The following SPECC1 variants were observed in gnomAD, a reference collection of about 807,000 sequenced individuals.
SPECC1 encodes cytospin-B.
A neutral mutation model predicts 104.1 loss-of-function variants in SPECC1; 62 were observed. The ratio of observed to expected loss-of-function variants is 0.60; its 90% confidence interval spans 0.49 to 0.74. SPECC1 has a LOEUF of 0.74. Ranked by LOEUF, SPECC1 falls within the 30% of genes least tolerant of loss-of-function variation. The probability of loss-of-function intolerance (pLI) is 0.00; values close to 1 mark genes in which losing one functional copy is unlikely to be tolerated. For synonymous variants in SPECC1, 513 were observed against 501.6 expected (o/e 1.02, Z -0.30); for missense variants, 1,306 against 1,310.5 (o/e 1.00, Z 0.05).
intron 3 of SPECC1, among the ~76,000 whole-genome samples, chr17:20,153,883 G>A (rs1462884158): frequency 6.6e-6 from 1 of 152,198 alleles, no homozygotes; most frequent in Non-Finnish European, 1.5e-5. Context: ...CTTTTTAAAA[G>A]GGGAGGGAGT....
At chr17:20,179,741 A>T (rs1484464703) in intron 3 of SPECC1, among the ~76,000 whole-genome samples, 1 of 152,242 alleles carries the variant, frequency 6.6e-6, no homozygotes, top group Non-Finnish European at 1.5e-5. Context: ...ATTGGCTCAG[A>T]ATAGAAATAT....
At chr17:20,029,889 T>G (rs1206072655) in intron 1 of SPECC1, among the ~76,000 whole-genome samples, 1 of 152,212 alleles carries the variant, frequency 6.6e-6, no homozygotes, top group Non-Finnish European at 1.5e-5. Context: ...TTTTCTCCTT[T>G]TGATTTCATT....
intron 1 of SPECC1, among the ~76,000 whole-genome samples, chr17:20,054,989 A>G (rs191372271): frequency 7.9e-4 from 120 of 152,324 alleles, no homozygotes; most frequent in African/African-American, 2.7e-3. Context: ...TGTACAATAC[A>G]TTATTGTTGA....
intron 12 of SPECC1, among the ~76,000 whole-genome samples, chr17:20,276,121 C>G (rs891434140): frequency 3.3e-5 from 5 of 151,900 alleles, no homozygotes; most frequent in Non-Finnish European, 7.4e-5. Flanking sequence ...CCTTTCTTCT[C>G]TTTTTTTCCC....
intron 4 of SPECC1, among the ~76,000 whole-genome samples, chr17:20,217,882 A>G (rs1372307133): frequency 6.6e-6 from 1 of 152,044 alleles, no homozygotes; most frequent in Non-Finnish European, 1.5e-5. Context: ...TAAAAAAAAA[A>G]TGAACTGGGC....
intron 7 of SPECC1, 28 bp downstream of exon 7, chr17:20,232,433 C>T (rs2038652583): frequency 6.3e-7 from 1 of 1,575,836 alleles, no homozygotes; most frequent in Admixed American, 1.9e-5. Context: ...CAGGGCCGTG[C>T]TTGCTTCTCA....
chr17:20,015,811 C>T (rs917914921), intron 1 of SPECC1, among the ~76,000 whole-genome samples: 3 of 149,924 alleles, frequency 2.0e-5, no homozygotes, highest in Admixed American at 6.6e-5. Context: ...ATCTCGATCT[C>T]CTGACCTCGT....
At chr17:20,062,209 C>T (rs987718584) in intron 1 of SPECC1, among the ~76,000 whole-genome samples, 17 of 150,022 alleles carry the variant, frequency 1.1e-4, no homozygotes, top group Non-Finnish European at 1.8e-4. Flanking sequence ...GCCGAGATCA[C>T]GCCACTGCAC....
chr17:20,066,928 T>A lies in SPECC1; in HGVS notation c.-21-29703T>A, dbSNP rs545611360. 2.4e-3 allele frequency among the ~76,000 whole-genome samples: 352 copies of A among 149,140 alleles called. 1 individual carries two copies. The highest frequency in any genetic ancestry group is 8.5e-3 in the African/African-American group (340 of 39,994). On this transcript the variant is annotated intron_variant, in intron 1 of 14. Coordinates refer to ENST00000395527, the MANE Select transcript of SPECC1 (RefSeq NM_001243439.2). ...CTAATCAAATTTTTTTTTTTTTTTT[T>A]TTTGGTAGAGATAAGGGCTTTTATG...
chr17:20,143,512 T>G (rs984844776), intron 3 of SPECC1, among the ~76,000 whole-genome samples: 3 of 151,168 alleles, frequency 2.0e-5, no homozygotes, highest in Non-Finnish European at 4.4e-5. Context: ...AGTGAAACCC[T>G]GTCTCTACTA....
At chr17:20,155,921 CG>C (rs2032435494) in intron 3 of SPECC1, 1 of 1,205,060 alleles carries the variant, frequency 8.3e-7, no homozygotes, top group East Asian at 3.4e-5. Flanking sequence ...CCGCGCCTGG[CG>C]GGCGGTGTGC....
intron 1 of SPECC1, among the ~76,000 whole-genome samples, chr17:20,010,937 C>G (rs528497612): frequency 6.6e-6 from 1 of 152,288 alleles, no homozygotes; most frequent in Non-Finnish European, 1.5e-5. Context: ...TTGATATGAT[C>G]ATGTAGATTT....
At chr17:20,020,178 C>T (rs1303313554) in intron 1 of SPECC1, among the ~76,000 whole-genome samples, 1 of 152,160 alleles carries the variant, frequency 6.6e-6, no homozygotes, top group East Asian at 1.9e-4. Context: ...TGTCTGAGTT[C>T]TGTCTGCAGC....
At chr17:20,162,831 C>G (rs1236798704) in intron 3 of SPECC1, among the ~76,000 whole-genome samples, 3 of 152,172 alleles carry the variant, frequency 2.0e-5, no homozygotes, top group African/African-American at 7.2e-5. Flanking sequence ...AGTTCGAGAC[C>G]AGCCTGACCA....
At chr17:20,245,799 G>A in intron 7 of SPECC1, 127 bp from the exon 8 acceptor site, 1 of 1,131,106 alleles carries the variant, frequency 8.8e-7, no homozygotes, top group East Asian at 2.6e-5. Flanking sequence ...AAAACAGGAT[G>A]TTAAATTCAG....
At chr17:20,216,956 C>G (rs1418776216) in intron 4 of SPECC1, among the ~76,000 whole-genome samples, 4 of 151,620 alleles carry the variant, frequency 2.6e-5, no homozygotes, top group Non-Finnish European at 5.9e-5. Context: ...CCCCGGAGTT[C>G]AGCCTAAGCA....
chr17:20,227,134 T>A (rs1273837363), intron 4 of SPECC1, among the ~76,000 whole-genome samples: 1 of 152,198 alleles, frequency 6.6e-6, no homozygotes, highest in African/African-American at 2.4e-5. Context: ...TTTGGAAGCA[T>A]ACATCGTGTT....
chr17:20,021,279 C>T (rs2044365373), intron 1 of SPECC1, among the ~76,000 whole-genome samples: 3 of 151,772 alleles, frequency 2.0e-5, no homozygotes, highest in Admixed American at 2.0e-4. Context: ...AAGGGTCACG[C>T]GTATACTGCT....
chr17:20,016,697 C>T (rs1178299456), intron 1 of SPECC1, among the ~76,000 whole-genome samples: 1 of 152,242 alleles, frequency 6.6e-6, no homozygotes, highest in Non-Finnish European at 1.5e-5. Context: ...GCCCGCCATG[C>T]CTGAGCCACC....
Sources: allele counts gnomAD v4.1 joint callset (sites outside exome capture counted in the v4.1 genomes callset), GRCh38; gene constraint gnomAD v4.1.1; transcripts MANE v1.5; gene names NCBI Gene and HGNC (gene_info 2026-07-23, HGNC 2026-07-21).